PPP1R3F: variants seen among roughly 807,000 people sequenced by gnomAD.
The protein encoded by PPP1R3F is protein phosphatase 1, regulatory (inhibitor) subunit 3F.
A neutral mutation model predicts 24.2 loss-of-function variants in PPP1R3F; 29 were observed. The observed-to-expected ratio is 1.20, with a 90% confidence interval of 0.89 to 1.63. The LOEUF is 1.63. Among genes scored for constraint, PPP1R3F ranks in the 40% most tolerant of loss-of-function variants. The pLI is 0.00. For missense variants in PPP1R3F, 823 were observed against 729.3 expected, an observed-to-expected ratio of 1.13 and a Z score of -1.48; for synonymous variants, 363 against 340.1, an observed-to-expected ratio of 1.07 and a Z score of -0.74.
At chrX:49,275,187 G>GC (rs1193780787) in intron 1 of PPP1R3F, 1 of 111,303 alleles carries the variant, frequency 9.0e-6, no homozygotes, top group Non-Finnish European at 1.9e-5. Context: ...GTAAGTGTTA[G>GC]CCCCCGGCAT....
intron 3 of PPP1R3F, among the ~76,000 whole-genome samples, chrX:49,285,245 C>T (rs2066274388): frequency 1.8e-5 from 2 of 109,705 alleles, no homozygotes; most frequent in Non-Finnish European, 3.8e-5. Flanking sequence ...TCTCTGTCGC[C>T]CAGGCTGCAG....
At chrX:49,271,736 CGAGGGGCT>C (rs781838768) in intron 1 of PPP1R3F, among the ~76,000 whole-genome samples, 1 of 113,010 alleles carries the variant, frequency 8.8e-6, no homozygotes, top group East Asian at 2.8e-4. Flanking sequence ...CCTGTGGAGG[CGAGGGGCT>C]GAGCCCATGC....
At position 49,287,850 on chromosome X, in the gene PPP1R3F, T is replaced by A. The variant is rs2066297226; in HGVS notation, c.*760T>A. 9.0e-6 allele frequency: 1 copy of A among 111,081 alleles called. No individual in the cohort carries two copies. Among genetic ancestry groups the A allele is most frequent in the Non-Finnish European group, 1.9e-5 (1 of 53,044 alleles). 9.2% of individuals were successfully genotyped at this position (111,081 alleles called of 1,213,427 possible). A position where few individuals can be genotyped will look rare whatever the true frequency, so the allele number is the denominator to read the frequency against. On this transcript the variant is annotated 3_prime_UTR_variant, in exon 4 of 4. Coordinates refer to ENST00000055335, the MANE Select transcript of PPP1R3F (RefSeq NM_033215.5). ...CTCCTGTGGATGTGGGGACATCAGT[T>A]GTGAATCAGCCACAAGGTTTTGAGG...
In PPP1R3F at chrX:49,270,135, A is replaced by T; in HGVS notation, c.266A>T (p.Asp89Val). ...ADEDDDGEDG[D>V]EGEEEEEACP... ...GAGGACGACGATGGCGAGGATGGGG[A>T]TGAAGGGGAGGAGGAAGAGGAGGCT... Residue 89 changes from aspartate (D) to valine (V), a missense_variant, in exon 1 of 4, where the codon GAT (aspartate) becomes GTT (valine). Coordinates refer to ENST00000055335, the MANE Select transcript of PPP1R3F (RefSeq NM_033215.5). 1 of 1,063,863 alleles carries T rather than the reference A, an allele frequency of 9.4e-7. No individual in the cohort carries two copies. Among genetic ancestry groups the T allele is most frequent in the Non-Finnish European group, 1.2e-6 (1 of 828,443 alleles). 87.7% of individuals were successfully genotyped at this position (1,063,863 alleles called of 1,213,427 possible).
chrX:49,298,780 T>C (rs1376014166), intron 3 of PPP1R3F, among the ~76,000 whole-genome samples: 2 of 110,717 alleles, frequency 1.8e-5, no homozygotes, highest in East Asian at 5.7e-4. Flanking sequence ...TATCCTTTCT[T>C]CCGCTTGATC....
In PPP1R3F at chrX:49,270,174, C is replaced by T. The variant is rs1557118675; in HGVS notation, c.305C>T (p.Ser102Leu). 1 of 1,096,208 alleles carries T rather than the reference C, an allele frequency of 9.1e-7. No homozygotes were observed. Among genetic ancestry groups the T allele is most frequent in the Non-Finnish European group, 1.2e-6 (1 of 845,955 alleles). The allele number at this position is 1,096,208 out of a possible 1,213,427, so 90.3% of individuals were successfully genotyped here. A position where few individuals can be genotyped will look rare whatever the true frequency, so the allele number is the denominator to read the frequency against. The change falls in exon 1 of 4, where the codon TCA becomes TTA. Residue 102 changes from serine to leucine, a missense_variant. Transcript: ENST00000055335. ...EEEEEACPEP[S>L]PLCPVPAGGG... ...GAAGAGGAGGCTTGCCCCGAGCCCT[C>T]ACCGCTGTGCCCCGTCCCCGCTGGC...
Position 49,270,493 on chromosome X carries a change from G to A in PPP1R3F, c.624G>A (p.Ala208=). 1.7e-6 allele frequency: 2 copies of A among 1,205,570 alleles called. No homozygotes were observed. The highest frequency in any genetic ancestry group is 1.1e-6 in the Non-Finnish European group (1 of 894,953). Residue 208 remains alanine, a synonymous_variant, in exon 1 of 4, where the codon GCG becomes GCA. Coordinates refer to ENST00000055335, the MANE Select transcript of PPP1R3F (RefSeq NM_033215.5). ...YVPRSPPWAG[A]GGTGAGDPIL... Reference sequence around the variant, plus strand: ...CGCGCAGCCCGCCGTGGGCAGGAGCGGGAGGAACAGGAGCAGGAGATCCCA... The same window carrying A: ...CGCGCAGCCCGCCGTGGGCAGGAGCAGGAGGAACAGGAGCAGGAGATCCCA...
chrX:49,274,352 C>G (rs2066199308), intron 1 of PPP1R3F: 2 of 112,054 alleles, frequency 1.8e-5, no homozygotes, highest in South Asian at 7.4e-4. Context: ...ATTCCCCAAT[C>G]TGGCCTCCAC....
chrX:49,298,942 G>A (rs1318279431), intron 3 of PPP1R3F, among the ~76,000 whole-genome samples: 2 of 109,968 alleles, frequency 1.8e-5, no homozygotes, highest in African/African-American at 3.3e-5. Context: ...CTTGCATTGG[G>A]TAAGAACATG....
intron 3 of PPP1R3F, among the ~76,000 whole-genome samples, chrX:49,285,004 C>A (rs1317469342): frequency 2.7e-5 from 3 of 110,634 alleles, no homozygotes; most frequent in Admixed American, 9.6e-5. Flanking sequence ...ATATGGACAT[C>A]CTGGCTATGT....
In PPP1R3F at chrX:49,286,497, C is replaced by T. The variant is rs781965989; in HGVS notation, c.1807C>T (p.Leu603Phe). 2.5e-6 allele frequency: 3 copies of T among 1,208,017 alleles called. No individual in the cohort carries two copies. Among genetic ancestry groups the T allele is most frequent in the Non-Finnish European group, 3.4e-6 (3 of 892,810 alleles). ...DSPKESPPEILSGARSVVATM... is the reference protein window; with the variant it reads ...DSPKESPPEIFSGARSVVATM... The stretch of plus-strand genomic sequence containing the variant: ...CCCCAAGGAATCGCCTCCAGAAATC[C>T]TCTCCGGGGCCCGTTCTGTGGTAGC... The change falls in exon 4 of 4, where the codon CTC becomes TTC. Residue 603 changes from leucine (L) to phenylalanine (F), a missense_variant. Physicochemically the swap from Leu to Phe is conservative, Grantham distance 22. Coordinates refer to ENST00000055335, the MANE Select transcript of PPP1R3F (RefSeq NM_033215.5).
At chrX:49,270,990 G>T in intron 1 of PPP1R3F, 117 bp downstream of exon 1, 1 of 738,976 alleles carries the variant, frequency 1.4e-6, no homozygotes, top group Non-Finnish European at 1.9e-6. Flanking sequence ...AGGGTGCATT[G>T]AGTCAGTCAG....
chrX:49,284,369 T>TCTTTC (rs1443809740), intron 3 of PPP1R3F, among the ~76,000 whole-genome samples: 2 of 110,633 alleles, frequency 1.8e-5, no homozygotes, highest in Non-Finnish European at 3.8e-5. Context: ...TTCTTTCTTT[T>TCTTTC]CTTTCCTTTC....
At chrX:49,275,605 G>C (rs1183444138) in intron 1 of PPP1R3F, 1 of 111,311 alleles carries the variant, frequency 9.0e-6, no homozygotes, top group African/African-American at 3.3e-5. Context: ...GCAGTTTGTA[G>C]TTATATCTTT....
At chrX:49,270,909 G>A (rs1557119197) in intron 1 of PPP1R3F, 36 bp downstream of exon 1, 2 of 1,135,643 alleles carry the variant, frequency 1.8e-6, no homozygotes, top group South Asian at 4.2e-5. Context: ...CCAACGCAGG[G>A]CTGTGTCTGG....
chrX:49,286,596 G>A lies in PPP1R3F; in HGVS notation c.1906G>A (p.Gly636Ser). The A allele has an allele frequency of 8.3e-7, 1 of 1,211,508 alleles. No individual in the cohort carries two copies. The highest frequency in any genetic ancestry group is 1.8e-5 in the South Asian group (1 of 56,877). The stretch of plus-strand genomic sequence containing the variant: ...CGGCCCTGTGGTTCTGGGTACAGAG[G>A]GTCAGTTCATTGGGGATCCTGAGAA... ...CDGPVVLGTE[G>S]QFIGDPEKGM... Residue 636 changes from glycine to serine, a missense_variant, in exon 4 of 4, where the codon GGT becomes AGT. By Grantham distance (56) the Gly-to-Ser change is moderately conservative. Coordinates refer to ENST00000055335, the MANE Select transcript of PPP1R3F (RefSeq NM_033215.5).
chrX:49,296,696 C>T (rs996321342), intron 3 of PPP1R3F, among the ~76,000 whole-genome samples: 34 of 111,831 alleles, frequency 3.0e-4, no homozygotes, highest in African/African-American at 1.0e-3. Context: ...TAGCTGTGTC[C>T]CAGAGATTCT....
rs782648144 is a variant in PPP1R3F, at chrX:49,286,582, T to C, written c.1892T>C (p.Val631Ala). 8.3e-7 allele frequency: 1 copy of C among 1,211,427 alleles called. No individual in the cohort carries two copies. Among genetic ancestry groups the C allele is most frequent in the Non-Finnish European group, 1.1e-6 (1 of 895,248 alleles). Residue 631 changes from valine (V) to alanine (A), a missense_variant, in exon 4 of 4, where the codon GTT becomes GCT. By Grantham distance (64) the Val-to-Ala change is moderately conservative. Coordinates refer to ENST00000055335, the MANE Select transcript of PPP1R3F (RefSeq NM_033215.5). ...GGCTCAGGATGTGACGGCCCTGTGGTTCTGGGTACAGAGGGTCAGTTCATT... is the reference window on the plus strand; with the variant it reads ...GGCTCAGGATGTGACGGCCCTGTGGCTCTGGGTACAGAGGGTCAGTTCATT... The part of the protein sequence containing the change: ...AEGSGCDGPV[V>A]LGTEGQFIGD...
chrX:49,279,566 C>T (rs2066234796), intron 1 of PPP1R3F, among the ~76,000 whole-genome samples: 1 of 111,686 alleles, frequency 9.0e-6, no homozygotes, highest in African/African-American at 3.3e-5. Context: ...TACCTGTAAT[C>T]CCTGATACTT....
Sources: allele counts gnomAD v4.1 joint callset (sites outside exome capture counted in the v4.1 genomes callset), GRCh38; gene constraint gnomAD v4.1.1; transcripts MANE v1.5; gene names NCBI Gene and HGNC (gene_info 2026-07-23, HGNC 2026-07-21).